The following NARF variants were observed in gnomAD, a reference collection of about 807,000 sequenced individuals.
NARF encodes the protein iron-only hydrogenase-like protein 2.
Under a neutral mutation model 48.0 loss-of-function variants are expected in NARF, and 41 were observed. That is an observed-to-expected ratio of 0.85 (90% confidence interval 0.66 to 1.11). The LOEUF (loss-of-function observed/expected upper bound fraction) is 1.11, where lower values mean the gene tolerates loss of function less well. Among genes scored for constraint, NARF ranks in the 50% least tolerant of loss-of-function variants. The pLI is 0.00. For missense variants in NARF, 613 were observed against 590.2 expected (o/e 1.04, Z -0.40); for synonymous variants, 215 against 225.5 (o/e 0.95, Z 0.42).
intron 6 of NARF, 126 bp from the exon 7 acceptor site, chr17:82,480,956 A>G: frequency 2.4e-6 from 2 of 841,380 alleles, no homozygotes; most frequent in Non-Finnish European, 3.6e-6. Flanking sequence ...AAAAGAGTGC[A>G]GCATGCAGTG....
At position 82,479,388 on chromosome 17, in the gene NARF, C is replaced by G. The variant is rs562511880; in HGVS notation, c.639+470C>G. The stretch of plus-strand genomic sequence containing the variant: ...GGGCATCACATGACTTCCTTAGCCA[C>G]TTCTGTGAGATTCCACAGTGGCCAT... On this transcript the variant is annotated intron_variant, in intron 6 of 10. Transcript: ENST00000309794. Among the ~76,000 whole-genome samples, 60 of 152,352 alleles carry G rather than the reference C, an allele frequency of 3.9e-4. 1 individual carries two copies. Among genetic ancestry groups the G allele is most frequent in the South Asian group, 1.2e-3 (6 of 4,832 alleles).
intron 7 of NARF, 131 bp downstream of exon 7, chr17:82,481,342 C>T (rs2043960943): frequency 1.4e-6 from 2 of 1,393,034 alleles, no homozygotes; most frequent in East Asian, 4.7e-5. Context: ...TCTGAAGTTA[C>T]TGACAGCTGA....
At chr17:82,460,364 C>T (rs1218738139) in intron 2 of NARF, 5 of 214,064 alleles carry the variant, frequency 2.3e-5, no homozygotes, top group South Asian at 1.3e-4. Context: ...ACTCAGGAGG[C>T]TGAGGCAGGA....
rs1399764504 is a variant in NARF at position 82,487,906 on chromosome 17, T to C, written c.1130-10T>C. The C allele has an allele frequency of 6.2e-7, 1 of 1,614,024 alleles. No individual in the cohort carries two copies. The highest frequency in any genetic ancestry group is 2.2e-5 in the East Asian group (1 of 44,882). On this transcript the variant is annotated splice_polypyrimidine_tract_variant and intron_variant, in intron 10 of 10. Coordinates refer to ENST00000309794, the MANE Select transcript of NARF (RefSeq NM_012336.4). ...AGCCCAGGATAAACTTACCTGTGTT[T>C]ATCTTTCAGGATGCTTAAATGGCAG... is the stretch of plus-strand genomic sequence containing the variant.
At position 82,485,550 on chromosome 17, in the gene NARF, G is replaced by A. The variant is rs757271058; in HGVS notation, c.1025G>A (p.Arg342His). The A allele has an allele frequency of 8.1e-6, 13 of 1,614,130 alleles. No individual in the cohort carries two copies. The highest frequency in any genetic ancestry group is 1.6e-4 in the Middle Eastern group (1 of 6,084). The change falls in exon 10 of 11, where the codon CGC becomes CAC. Residue 342 changes from arginine (R) to histidine (H), a missense_variant. By Grantham distance (29) the Arg-to-His change is conservative. Transcript: ENST00000309794. Reference protein sequence around the residue: ...TLEKNGEVVLRFAAAYGFRNI... With the variant: ...TLEKNGEVVLHFAAAYGFRNI... The stretch of plus-strand genomic sequence containing the variant: ...GAGAAGAACGGAGAGGTGGTGTTAC[G>A]CTTTGCTGCAGCCTATGGCTTTCGA...
At chr17:82,479,084 A>G (rs1258870579) in intron 6 of NARF, 166 bp downstream of exon 6, 1 of 571,028 alleles carries the variant, frequency 1.8e-6, no homozygotes. Context: ...TTTCTCACCA[A>G]CGCCCGTCTC....
At chr17:82,481,399 T>C (rs537493389) in intron 7 of NARF, among the ~76,000 whole-genome samples, 188 bp downstream of exon 7, 1 of 152,200 alleles carries the variant, frequency 6.6e-6, no homozygotes, top group African/African-American at 2.4e-5. Flanking sequence ...TCATGTTCGA[T>C]CTAGCCTCCT....
At chr17:82,459,873 T>A in intron 1 of NARF, 119 bp from the exon 2 acceptor site, 1 of 778,466 alleles carries the variant, frequency 1.3e-6, no homozygotes, top group Admixed American at 3.0e-5. Flanking sequence ...TCTAAAAAAA[T>A]AAATAAATAA....
At position 82,488,164 on chromosome 17, in the gene NARF, G is replaced by C. The variant is rs1367372548; in HGVS notation, c.*7G>C. ...CCTGGACATCAAGTGGTGAAGTCAG[G>C]CCAGGGCCTTCCAGCTGCTCTTGGG... On this transcript the variant is annotated 3_prime_UTR_variant, in exon 11 of 11. Transcript: ENST00000309794. The C allele has an allele frequency of 1.9e-6, 3 of 1,611,082 alleles. No homozygotes were observed. The South Asian group carries it at 3.3e-5, about 18-fold the overall frequency.
At chr17:82,461,741 G>C (rs2043445155) in intron 2 of NARF, among the ~76,000 whole-genome samples, 1 of 152,238 alleles carries the variant, frequency 6.6e-6, no homozygotes, top group Non-Finnish European at 1.5e-5. Context: ...TCTACCCTTA[G>C]AAAGTACTAG....
intron 2 of NARF, among the ~76,000 whole-genome samples, chr17:82,461,352 C>G (rs908005960): frequency 6.6e-6 from 1 of 152,140 alleles, no homozygotes; most frequent in Non-Finnish European, 1.5e-5. Flanking sequence ...TGGCTCACAC[C>G]TGTAATCCCA....
At position 82,481,133 on chromosome 17, in the gene NARF, A is replaced by G. The variant is rs771431582; in HGVS notation, c.691A>G (p.Lys231Glu). Residue 231 changes from lysine (K) to glutamate (E), a missense_variant, in exon 7 of 11, where the codon AAG becomes GAG. Physicochemically the swap from Lys to Glu is moderately conservative, Grantham distance 56 (BLOSUM62 1). Coordinates refer to ENST00000309794, the MANE Select transcript of NARF (RefSeq NM_012336.4). ...FHVIVAPCYD[K>E]KLEALQESLP... ...CGTCATTGTGGCCCCTTGTTATGAC[A>G]AGAAGCTGGAGGCTCTTCAGGAAAG... The G allele has an allele frequency of 5.6e-6, 9 of 1,614,110 alleles. No homozygotes were observed. Among genetic ancestry groups the G allele is most frequent in the Admixed American group, 1.7e-5 (1 of 60,010 alleles).
intron 4 of NARF, among the ~76,000 whole-genome samples, chr17:82,471,078 G>A (rs2043688866): frequency 6.6e-6 from 1 of 151,570 alleles, no homozygotes; most frequent in Non-Finnish European, 1.5e-5. Context: ...CACAAGAATC[G>A]CTCAGACCCA....
At chr17:82,470,864 T>C (rs117689324) in intron 4 of NARF, among the ~76,000 whole-genome samples, 3,715 of 152,012 alleles carry the variant, frequency 0.024, 58 homozygotes, top group Middle Eastern at 0.037. Flanking sequence ...ACAAAAAATT[T>C]AAAATTAAAA....
chr17:82,468,757 C>G lies in NARF; in HGVS notation c.253-7C>G, dbSNP rs2043630429. The stretch of plus-strand genomic sequence containing the variant: ...AGATACCTAACATTCTCTATTTCTC[C>G]TTCTAGAAATGTGATACCTCAAAGC... On this transcript the variant is annotated splice_region_variant and splice_polypyrimidine_tract_variant and intron_variant, in intron 3 of 10. Transcript: ENST00000309794. 6.2e-7 allele frequency: 1 copy of G among 1,612,856 alleles called. No homozygotes were observed. The highest frequency in any genetic ancestry group is 8.5e-7 in the Non-Finnish European group (1 of 1,179,612).
intron 10 of NARF, among the ~76,000 whole-genome samples, chr17:82,486,268 C>T (rs1262550751): frequency 1.3e-5 from 2 of 152,164 alleles, no homozygotes; most frequent in African/African-American, 4.8e-5. Flanking sequence ...GAAGGGGACC[C>T]TCTGCCCCTG....
upstream of NARF, chr17:82,458,720 C>A: frequency 7.0e-7 from 1 of 1,424,618 alleles, no homozygotes; most frequent in Admixed American, 3.3e-5. Context: ...CAACAAAGGG[C>A]CGCGGGCGGC....
intron 2 of NARF, 26 bp from the exon 3 acceptor site, chr17:82,464,261 T>C (rs2043507680): frequency 1.2e-6 from 2 of 1,608,678 alleles, no homozygotes; most frequent in South Asian, 2.2e-5. Context: ...TGTTGAATAA[T>C]CATGCTGAAA....
At chr17:82,481,958 C>T in intron 7 of NARF, 1 of 318,080 alleles carries the variant, frequency 3.1e-6, no homozygotes, top group South Asian at 2.4e-5. Context: ...GTGATATTGC[C>T]TTTACCACGG....
Sources: gnomAD v4.1 joint callset for allele counts (sites outside exome capture counted in the v4.1 genomes callset) on GRCh38, gnomAD v4.1.1 for gene constraint, MANE v1.5 for transcripts, NCBI Gene and HGNC (gene_info 2026-07-23, HGNC 2026-07-21) for gene names.